CNTNAP2: variants seen among roughly 807,000 people sequenced by gnomAD.
CNTNAP2 encodes the protein contactin-associated protein-like 2.
CNTNAP2 carries 98 observed loss-of-function variants against 155.2 expected under a neutral mutation model. The ratio of observed to expected loss-of-function variants is 0.63; its 90% confidence interval spans 0.54 to 0.75. CNTNAP2 has a LOEUF of 0.75. Among genes scored for constraint, CNTNAP2 ranks in the 30% least tolerant of loss-of-function variants. The probability of loss-of-function intolerance (pLI) is 0.00; values close to 1 mark genes in which losing one functional copy is unlikely to be tolerated. For synonymous variants in CNTNAP2, 651 were observed against 631.2 expected, an observed-to-expected ratio of 1.03 and a Z score of -0.47; for missense variants, 1,727 against 1,688.1, an observed-to-expected ratio of 1.02 and a Z score of -0.40.
intron 13 of CNTNAP2, among the ~76,000 whole-genome samples, chr7:147,676,377 T>C (rs781022875): frequency 5.6e-4 from 85 of 152,130 alleles, no homozygotes; most frequent in South Asian, 2.9e-3. Flanking sequence ...TTTAGTAATA[T>C]ATTTATTTGC....
At chr7:147,586,307 G>T (rs915528604) in intron 12 of CNTNAP2, among the ~76,000 whole-genome samples, 2 of 150,984 alleles carry the variant, frequency 1.3e-5, no homozygotes, top group Admixed American at 1.3e-4. Flanking sequence ...TAAGGTCTGT[G>T]TTGATGTTAA....
chr7:146,853,042 C>A (rs1048207516), intron 3 of CNTNAP2, among the ~76,000 whole-genome samples: 1 of 152,114 alleles, frequency 6.6e-6, no homozygotes, highest in East Asian at 1.9e-4. Context: ...GTCATTCAGG[C>A]TCTTTACATT....
intron 10 of CNTNAP2, among the ~76,000 whole-genome samples, chr7:147,425,079 G>T (rs961765546): frequency 6.6e-6 from 1 of 151,736 alleles, no homozygotes; most frequent in Admixed American, 6.6e-5. Flanking sequence ...ACATTTCAAT[G>T]AGATGTTTTC....
chr7:147,139,260 C>T (rs1248946006), intron 8 of CNTNAP2, among the ~76,000 whole-genome samples: 1 of 152,034 alleles, frequency 6.6e-6, no homozygotes, highest in Non-Finnish European at 1.5e-5. Flanking sequence ...AGGGCTGACA[C>T]TTCATGTAAG....
intron 1 of CNTNAP2, among the ~76,000 whole-genome samples, chr7:146,386,978 G>C (rs896674826): frequency 2.6e-5 from 4 of 152,096 alleles, no homozygotes; most frequent in African/African-American, 9.7e-5. Flanking sequence ...CAAGTGAAGG[G>C]AGAATGCCCC....
intron 8 of CNTNAP2, among the ~76,000 whole-genome samples, chr7:147,286,036 A>C (rs938709630): frequency 2.0e-5 from 3 of 152,070 alleles, no homozygotes; most frequent in African/African-American, 7.2e-5. Flanking sequence ...ATATCATTAG[A>C]CCATACAGTT....
At chr7:147,695,828 T>G (rs551093589) in intron 13 of CNTNAP2, among the ~76,000 whole-genome samples, 1 of 152,196 alleles carries the variant, frequency 6.6e-6, no homozygotes, top group East Asian at 1.9e-4. Flanking sequence ...TAAAAAATTT[T>G]TAAAAAGTAT....
At chr7:146,688,724 C>G (rs562665000) in intron 1 of CNTNAP2, among the ~76,000 whole-genome samples, 1 of 152,190 alleles carries the variant, frequency 6.6e-6, no homozygotes, top group African/African-American at 2.4e-5. Context: ...GTGCAGGTCA[C>G]GGGATATGAT....
chr7:147,712,589 T>A (rs1796415431), intron 13 of CNTNAP2, among the ~76,000 whole-genome samples: 1 of 152,184 alleles, frequency 6.6e-6, no homozygotes, highest in Admixed American at 6.6e-5. Context: ...GTTCATGTCC[T>A]TTGTAGAACA....
chr7:148,226,226 G>C (rs901057044), intron 19 of CNTNAP2, among the ~76,000 whole-genome samples: 1 of 152,044 alleles, frequency 6.6e-6, no homozygotes, highest in African/African-American at 2.4e-5. Context: ...AAAAAAAAGA[G>C]TCTGGAGTTC....
At chr7:146,849,074 C>T (rs1336349511) in intron 3 of CNTNAP2, among the ~76,000 whole-genome samples, 3 of 152,042 alleles carry the variant, frequency 2.0e-5, no homozygotes, top group Admixed American at 6.6e-5. Context: ...AGCCACTGCA[C>T]CCAGCAAAAA....
intron 18 of CNTNAP2, among the ~76,000 whole-genome samples, chr7:148,194,334 T>G (rs778011641): frequency 1.3e-5 from 2 of 151,798 alleles, no homozygotes; most frequent in Non-Finnish European, 2.9e-5. Context: ...CAGCCTTGAG[T>G]GATCTACCCT....
At chr7:146,670,458 G>A (rs1174064251) in intron 1 of CNTNAP2, among the ~76,000 whole-genome samples, 1 of 118,384 alleles carries the variant, frequency 8.4e-6, no homozygotes, top group African/African-American at 3.3e-5. Flanking sequence ...ACTTCTAGAT[G>A]TGCGAACTCT....
At chr7:146,566,652 G>A (rs751192422) in intron 1 of CNTNAP2, among the ~76,000 whole-genome samples, 3 of 151,774 alleles carry the variant, frequency 2.0e-5, no homozygotes, top group Non-Finnish European at 2.9e-5. Flanking sequence ...GGCCGAGATC[G>A]CACCACTGCA....
intron 3 of CNTNAP2, among the ~76,000 whole-genome samples, chr7:146,987,334 T>C (rs1798130775): frequency 6.6e-6 from 1 of 152,154 alleles, no homozygotes; most frequent in Non-Finnish European, 1.5e-5. Flanking sequence ...ATTAAGAAAT[T>C]CATTAATTAG....
chr7:146,302,665 A>G (rs556268380), intron 1 of CNTNAP2, among the ~76,000 whole-genome samples: 4 of 152,276 alleles, frequency 2.6e-5, no homozygotes, highest in Admixed American at 2.0e-4. Flanking sequence ...AGCACGGCAT[A>G]TGGCCTCTTG....
intron 8 of CNTNAP2, among the ~76,000 whole-genome samples, chr7:147,274,860 G>A (rs1189755737): frequency 2.0e-5 from 3 of 151,788 alleles, no homozygotes; most frequent in Non-Finnish European, 4.4e-5. Flanking sequence ...TATAGTGAGA[G>A]GTATGAGTCC....
intron 9 of CNTNAP2, among the ~76,000 whole-genome samples, chr7:147,387,204 T>C (rs1041403573): frequency 7.9e-5 from 12 of 152,192 alleles, no homozygotes; most frequent in Non-Finnish European, 1.5e-4. Context: ...ATATCAGTCC[T>C]TTACAGCAAA....
intron 14 of CNTNAP2, among the ~76,000 whole-genome samples, chr7:147,957,165 A>G (rs925765399): frequency 2.6e-5 from 4 of 152,238 alleles, no homozygotes; most frequent in Non-Finnish European, 4.4e-5. Context: ...GAAATAAGTT[A>G]GTAGGATTGA....
Sources: allele counts gnomAD v4.1 joint callset (sites outside exome capture counted in the v4.1 genomes callset), GRCh38; gene constraint gnomAD v4.1.1; transcripts MANE v1.5; gene names NCBI Gene and HGNC (gene_info 2026-07-23, HGNC 2026-07-21).